TBC1D5: variants seen among roughly 807,000 people sequenced by gnomAD.
TBC1D5 encodes TBC1 domain family, member 5.
Under a neutral mutation model 100.3 loss-of-function variants are expected in TBC1D5, and 75 were observed. That is an observed-to-expected ratio of 0.75 (90% CI 0.62 to 0.91). The LOEUF is 0.91. TBC1D5 is among the 40% of genes least tolerant of loss of function. TBC1D5 has a pLI of 0.00. For synonymous variants in TBC1D5, 323 were observed against 325.6 expected (o/e 0.99, Z 0.09); for missense variants, 910 against 942.4 (o/e 0.97, Z 0.45).
intron 2 of TBC1D5, among the ~76,000 whole-genome samples, chr3:17,513,004 C>T (rs1036065249): frequency 2.1e-4 from 32 of 152,004 alleles, no homozygotes; most frequent in African/African-American, 6.5e-4. Flanking sequence ...TTTTAAACTA[C>T]ACTTAAAAAA....
intron 14 of TBC1D5, among the ~76,000 whole-genome samples, chr3:17,293,707 G>A (rs372969303): frequency 2.9e-4 from 44 of 152,284 alleles, no homozygotes; most frequent in African/African-American, 9.6e-4. Context: ...AGGGGAGCAC[G>A]TAGAGATAAA....
intron 13 of TBC1D5, among the ~76,000 whole-genome samples, chr3:17,309,535 A>T (rs946426560): frequency 6.6e-6 from 1 of 151,978 alleles, no homozygotes; most frequent in East Asian, 1.9e-4. Context: ...TATAATTTTT[A>T]TCTTTTATAA....
At chr3:17,690,854 G>A (rs1377527666) in intron 1 of TBC1D5, among the ~76,000 whole-genome samples, 1 of 152,162 alleles carries the variant, frequency 6.6e-6, no homozygotes, top group Admixed American at 6.5e-5. Flanking sequence ...GGGGACTGCT[G>A]CTTTATAAGA....
intron 15 of TBC1D5, among the ~76,000 whole-genome samples, chr3:17,284,592 T>A (rs541590370): frequency 6.6e-6 from 1 of 152,332 alleles, no homozygotes; most frequent in South Asian, 2.1e-4. Context: ...ATTAATGAAT[T>A]CAAAATACTA....
chr3:17,543,862 G>A (rs2096384988), intron 2 of TBC1D5, among the ~76,000 whole-genome samples: 1 of 150,764 alleles, frequency 6.6e-6, no homozygotes. Context: ...CTGAAAAGTT[G>A]TTTGTTTTTT....
At chr3:17,569,069 C>G (rs1407783814) in intron 2 of TBC1D5, among the ~76,000 whole-genome samples, 2 of 151,730 alleles carry the variant, frequency 1.3e-5, no homozygotes, top group Non-Finnish European at 3.0e-5. Context: ...CTGGCAAATA[C>G]CCACAAAAAG....
At chr3:17,617,498 T>C (rs1015660374) in intron 2 of TBC1D5, among the ~76,000 whole-genome samples, 13 of 152,236 alleles carry the variant, frequency 8.5e-5, no homozygotes, top group African/African-American at 2.9e-4. Flanking sequence ...GTTTTCCAAC[T>C]TGGGTCCATT....
At chr3:17,363,659 C>T (rs942611758) in intron 13 of TBC1D5, among the ~76,000 whole-genome samples, 1 of 151,592 alleles carries the variant, frequency 6.6e-6, no homozygotes, top group Non-Finnish European at 1.5e-5. Flanking sequence ...GATATCTTCC[C>T]GCCACGACCT....
At chr3:17,167,854 T>C in intron 19 of TBC1D5, 26 bp from the exon 21 acceptor site, 1 of 1,519,388 alleles carries the variant, frequency 6.6e-7, no homozygotes, top group Non-Finnish European at 9.0e-7. Context: ...TGACATTTTA[T>C]AACCAATGCT....
At chr3:17,312,290 T>C (rs1408946064) in intron 13 of TBC1D5, among the ~76,000 whole-genome samples, 3 of 152,138 alleles carry the variant, frequency 2.0e-5, no homozygotes, top group Non-Finnish European at 4.4e-5. Context: ...TTACACTTAC[T>C]AGTCTTCTAA....
chr3:17,252,737 TC>T (rs1196688380), intron 16 of TBC1D5, among the ~76,000 whole-genome samples: 1 of 152,200 alleles, frequency 6.6e-6, no homozygotes, highest in Non-Finnish European at 1.5e-5. Flanking sequence ...AGTGCAGTTT[TC>T]CCAGGGTACA....
intron 13 of TBC1D5, among the ~76,000 whole-genome samples, chr3:17,366,570 A>G (rs1305784957): frequency 6.6e-6 from 1 of 152,112 alleles, no homozygotes; most frequent in Non-Finnish European, 1.5e-5. Flanking sequence ...AATCCTTCAT[A>G]TTTCATGTAT....
intron 2 of TBC1D5, among the ~76,000 whole-genome samples, chr3:17,581,443 T>A (rs1226164456): frequency 6.6e-6 from 1 of 152,142 alleles, no homozygotes; most frequent in Non-Finnish European, 1.5e-5. Context: ...CAGATAGACA[T>A]CTCCAACTTA....
At position 17,200,394 on chromosome 3, in the gene TBC1D5, C is replaced by G. The variant is rs373257330; in HGVS notation, c.1752+13813G>C. ...AGCAAGCATTACCACCTGAGTCCCA[C>G]CTCCTGTCAGATCAGCAGCAGCATT... On this transcript the variant is annotated intron_variant, in intron 18 of 21. Transcript: ENST00000253692. 2.6e-5 allele frequency among the ~76,000 whole-genome samples: 4 copies of G among 152,222 alleles called. No homozygotes were observed. The East Asian group carries it at 5.8e-4, about 22-fold the overall frequency.
chr3:17,729,210 T>C (rs2076362289), intron 1 of TBC1D5, among the ~76,000 whole-genome samples: 2 of 151,958 alleles, frequency 1.3e-5, no homozygotes, highest in Admixed American at 1.3e-4. Flanking sequence ...AGCTGAGGTA[T>C]AAATTATCTT....
rs138240802 is a variant in TBC1D5 at position 17,241,735 on chromosome 3, G to A, written c.1332-3316C>T. 9.9e-5 allele frequency among the ~76,000 whole-genome samples: 15 copies of A among 152,264 alleles called. No individual in the cohort carries two copies. The South Asian group carries it at 2.9e-3, about 29-fold the overall frequency. ...ACACTGGATTCTCTTCTAGTGAGAA[G>A]CATTACTATACAAAGTTAGCAGAGA... On this transcript the variant is annotated intron_variant, in intron 16 of 21. Transcript: ENST00000253692.
intron 15 of TBC1D5, among the ~76,000 whole-genome samples, chr3:17,268,084 G>A (rs1262775125): frequency 6.6e-6 from 1 of 151,900 alleles, no homozygotes; most frequent in Non-Finnish European, 1.5e-5. Flanking sequence ...AGTATGTCAA[G>A]TTAGACCACA....
chr3:17,720,876 G>A (rs1485600967), intron 1 of TBC1D5, among the ~76,000 whole-genome samples: 1 of 150,568 alleles, frequency 6.6e-6, no homozygotes, highest in Non-Finnish European at 1.5e-5. Flanking sequence ...GTCTCACTCT[G>A]TCATCCAGGC....
intron 19 of TBC1D5, among the ~76,000 whole-genome samples, chr3:17,182,814 A>G (rs539627066): frequency 6.6e-6 from 1 of 152,300 alleles, no homozygotes; most frequent in African/African-American, 2.4e-5. Flanking sequence ...ATTCATGTAA[A>G]ATTAGGTCTG....
Sources: gnomAD v4.1 joint callset for allele counts (sites outside exome capture counted in the v4.1 genomes callset) on GRCh38, gnomAD v4.1.1 for gene constraint, MANE v1.5 for transcripts, NCBI Gene and HGNC (gene_info 2026-07-23, HGNC 2026-07-21) for gene names.